The following DLG2 variants were observed in gnomAD, a reference collection of about 807,000 sequenced individuals.
DLG2 encodes the protein disks large homolog 2.
DLG2 carries 45 observed loss-of-function variants against 132.5 expected under a neutral mutation model. That is an observed-to-expected ratio of 0.34 (90% CI 0.27 to 0.44). The LOEUF (loss-of-function observed/expected upper bound fraction) is 0.44, where lower values mean the gene tolerates loss of function less well. DLG2 is among the 20% of genes least tolerant of loss of function. DLG2 has a pLI of 1.00. For synonymous variants in DLG2, 424 were observed against 419.6 expected (o/e 1.01, Z -0.13); for missense variants, 1,045 against 1,196.9 (o/e 0.87, Z 1.87).
intron 11 of DLG2, among the ~76,000 whole-genome samples, chr11:84,059,080 T>C (rs2096550611): frequency 6.6e-6 from 1 of 152,138 alleles, no homozygotes; most frequent in Admixed American, 6.6e-5. Context: ...AGATGACTGT[T>C]AATATTTTTG....
chr11:85,390,338 C>A (rs2086692117), intron 3 of DLG2, among the ~76,000 whole-genome samples: 1 of 152,054 alleles, frequency 6.6e-6, no homozygotes, highest in Admixed American at 6.6e-5. Flanking sequence ...GACATTGGCA[C>A]TCCCAAATTT....
intron 2 of DLG2, among the ~76,000 whole-genome samples, chr11:85,604,436 T>G (rs1362416339): frequency 2.0e-5 from 3 of 152,220 alleles, no homozygotes; most frequent in Non-Finnish European, 4.4e-5. Flanking sequence ...AAGGATCTTT[T>G]CATACAAATT....
chr11:85,540,962 T>G (rs1163743663), intron 3 of DLG2, among the ~76,000 whole-genome samples: 1 of 152,222 alleles, frequency 6.6e-6, no homozygotes, highest in Non-Finnish European at 1.5e-5. Flanking sequence ...ACCACCCTCT[T>G]TTCTTTAAAA....
rs369651884 is a variant in DLG2 at position 84,251,637 on chromosome 11, C to CTTTTTTTTTTTTTTTT, written c.520-347_520-346insAAAAAAAAAAAAAAAA. 1.5e-5 allele frequency among the ~76,000 whole-genome samples: 2 copies of CTTTTTTTTTTTTTTTT among 130,040 alleles called. 1 individual carries two copies. 85.3% of individuals were successfully genotyped at this position (130,040 alleles called of 152,430 possible). On this transcript the variant is annotated intron_variant, in intron 7 of 27. Transcript: ENST00000376104. ...GTAAGAGTTAAAACTTGTATCTTTT[C>CTTTTTTTTTTTTTTTT]TTTCTTTTTTTTTTTTTTTTGTGAG...
intron 6 of DLG2, among the ~76,000 whole-genome samples, chr11:84,960,398 T>A (rs1158655060): frequency 6.6e-6 from 1 of 152,158 alleles, no homozygotes; most frequent in Non-Finnish European, 1.5e-5. Context: ...TTGAATATAA[T>A]TCTCTCACTT....
chr11:84,435,030 C>T (rs1406318099), intron 7 of DLG2, among the ~76,000 whole-genome samples: 1 of 151,574 alleles, frequency 6.6e-6, no homozygotes, highest in African/African-American at 2.4e-5. Flanking sequence ...TGATCTTTCA[C>T]AATTAAGTAT....
chr11:84,726,303 C>A (rs2062444594), intron 6 of DLG2, among the ~76,000 whole-genome samples: 2 of 152,040 alleles, frequency 1.3e-5, no homozygotes, highest in African/African-American at 4.8e-5. Context: ...TGTGATGTTC[C>A]CCTCCCTATG....
At chr11:84,698,221 T>C (rs1477510881) in intron 6 of DLG2, among the ~76,000 whole-genome samples, 1 of 144,098 alleles carries the variant, frequency 6.9e-6, no homozygotes, top group African/African-American at 2.5e-5. Flanking sequence ...TAGTGAGATA[T>C]AGCCATCTGA....
At chr11:83,833,567 G>A (rs2055212416) in intron 17 of DLG2, 47 bp downstream of exon 17, 1 of 1,510,124 alleles carries the variant, frequency 6.6e-7, no homozygotes, top group Non-Finnish European at 8.9e-7. Context: ...CTTTTTCATT[G>A]ATGGCGTCAG....
intron 7 of DLG2, among the ~76,000 whole-genome samples, chr11:84,521,232 G>C (rs1037121592): frequency 6.6e-6 from 1 of 152,132 alleles, no homozygotes; most frequent in Non-Finnish European, 1.5e-5. Flanking sequence ...CTGAAAATTG[G>C]CATAAACAAA....
chr11:83,898,447 C>T (rs1179099251), intron 15 of DLG2, among the ~76,000 whole-genome samples: 1 of 151,936 alleles, frequency 6.6e-6, no homozygotes, highest in African/African-American at 2.4e-5. Flanking sequence ...ATAGAAAAGT[C>T]ATAACGACAT....
At chr11:84,410,695 T>C (rs551259785) in intron 7 of DLG2, among the ~76,000 whole-genome samples, 1 of 151,700 alleles carries the variant, frequency 6.6e-6, no homozygotes, top group South Asian at 2.1e-4. Flanking sequence ...TTCTTCTACT[T>C]CAGCCTCCCG....
intron 7 of DLG2, among the ~76,000 whole-genome samples, chr11:84,338,558 C>T (rs2098498842): frequency 6.6e-6 from 1 of 152,156 alleles, no homozygotes; most frequent in African/African-American, 2.4e-5. Flanking sequence ...GGCACGGTGG[C>T]TCAAGCCTGT....
chr11:85,507,111 C>G (rs542539081), intron 3 of DLG2, among the ~76,000 whole-genome samples: 2 of 152,094 alleles, frequency 1.3e-5, no homozygotes, highest in Admixed American at 6.6e-5. Context: ...TGTGTCTGCA[C>G]GTTAGATGGG....
intron 5 of DLG2, among the ~76,000 whole-genome samples, chr11:85,131,437 A>C: frequency 6.6e-6 from 1 of 152,190 alleles, no homozygotes; most frequent in Non-Finnish European, 1.5e-5. Context: ...CCTCAGGAAG[A>C]GTAACATATT....
chr11:83,684,556 A>G (rs1266886762), intron 18 of DLG2: 1 of 152,198 alleles, frequency 6.6e-6, no homozygotes, highest in African/African-American at 2.4e-5. Context: ...GGTAAGAAAT[A>G]TAATTGGAGG....
At chr11:84,175,176 T>G (rs540881140) in intron 8 of DLG2, among the ~76,000 whole-genome samples, 16 of 152,242 alleles carry the variant, frequency 1.1e-4, no homozygotes, top group African/African-American at 2.6e-4. Context: ...ATTAAAACAA[T>G]AATTTTTCTT....
rs2093802526 is a variant in DLG2, at chr11:83,490,882, G to C, written c.2194-6654C>G. Among the ~76,000 whole-genome samples, 2 of 151,856 alleles carry C rather than the reference G, an allele frequency of 1.3e-5. 1 individual carries two copies. Among genetic ancestry groups the C allele is most frequent in the Admixed American group, 1.3e-4 (2 of 15,202 alleles). ...GAATGCAATGTGTAGTCCTGAGTCA[G>C]AAAAATAAAAAGTCATATTTTCTAC... On this transcript the variant is annotated intron_variant, in intron 21 of 27. Coordinates refer to ENST00000376104, the MANE Select transcript of DLG2 (RefSeq NM_001142699.3).
At chr11:83,517,941 G>A (rs2095351891) in intron 21 of DLG2, among the ~76,000 whole-genome samples, 1 of 152,198 alleles carries the variant, frequency 6.6e-6, no homozygotes, top group Admixed American at 6.5e-5. Context: ...ACTGGGGGGT[G>A]ACTCCCAGTT....
Sources: gnomAD v4.1 joint callset for allele counts (sites outside exome capture counted in the v4.1 genomes callset) on GRCh38, gnomAD v4.1.1 for gene constraint, MANE v1.5 for transcripts, NCBI Gene and HGNC (gene_info 2026-07-23, HGNC 2026-07-21) for gene names.